Variants in NETO1 observed in about 807,000 individuals in gnomAD.
NETO1 encodes the protein neuropilin and tolloid like 1.
NETO1 carries 26 observed loss-of-function variants against 61.3 expected under a neutral mutation model. That is an observed-to-expected ratio of 0.42 (90% confidence interval 0.31 to 0.59). NETO1 has a LOEUF of 0.59. Among genes scored for constraint, NETO1 ranks in the 20% least tolerant of loss-of-function variants. The pLI is 0.12. For synonymous variants in NETO1, 225 were observed against 225.8 expected (o/e 1.00, Z 0.03); for missense variants, 531 against 662.8 (o/e 0.80, Z 2.18).
chr18:72,833,100 T>G (rs1327658674), intron 4 of NETO1, among the ~76,000 whole-genome samples: 3 of 152,196 alleles, frequency 2.0e-5, no homozygotes, highest in Non-Finnish European at 4.4e-5. Flanking sequence ...TGAATTCAAC[T>G]TAAAGACTCC....
In NETO1 at chr18:72,746,686, T is replaced by C. The variant is rs944227578; in HGVS notation, c.*1493A>G. ...TTGAATTGCAAAGTCCAAATTTTAG[T>C]AGACCAGACTGCTCTGTTAGTGGAA... On this transcript the variant is annotated 3_prime_UTR_variant, in exon 11 of 11. Coordinates refer to ENST00000327305, the MANE Select transcript of NETO1 (RefSeq NM_138966.5). Among the ~76,000 whole-genome samples, 1 of 152,052 alleles carries C rather than the reference T, an allele frequency of 6.6e-6. No homozygotes were observed. Among genetic ancestry groups the C allele is most frequent in the Non-Finnish European group, 1.5e-5 (1 of 67,956 alleles).
rs2073531336 is a variant in NETO1, at chr18:72,830,248, T to C, written c.469+28578A>G. On this transcript the variant is annotated intron_variant, in intron 4 of 10. Coordinates refer to ENST00000327305, the MANE Select transcript of NETO1 (RefSeq NM_138966.5). This position sits in a 1 kb window ranked among gnomAD's most constrained non-coding sequence, Gnocchi z 4.9. ...AGAGACGGGAACAGCAGTGCTATCT[T>C]GGTGCCGGCTTGCGAGAGTAGGCAT... Among the ~76,000 whole-genome samples the C allele has an allele frequency of 6.6e-6, 1 of 152,078 alleles. No individual in the cohort carries two copies. Among genetic ancestry groups the C allele is most frequent in the African/African-American group, 2.4e-5 (1 of 41,388 alleles).
At chr18:72,765,876 G>A (rs972776392) in intron 7 of NETO1, among the ~76,000 whole-genome samples, 1 of 152,136 alleles carries the variant, frequency 6.6e-6, no homozygotes, top group Non-Finnish European at 1.5e-5. Flanking sequence ...ATCAACTGAA[G>A]ATGCAAATTT....
intron 4 of NETO1, among the ~76,000 whole-genome samples, chr18:72,800,541 T>C (rs966904898): frequency 2.6e-5 from 4 of 152,196 alleles, no homozygotes; most frequent in African/African-American, 9.7e-5. Context: ...CCAGTGATTC[T>C]ACATTATGGT....
intron 4 of NETO1, among the ~76,000 whole-genome samples, chr18:72,842,040 T>C (rs566358430): frequency 7.6e-6 from 1 of 130,980 alleles, no homozygotes; most frequent in Non-Finnish European, 1.6e-5. Flanking sequence ...ATAAAATGTA[T>C]ACAGAAGTTT....
chr18:72,769,408 C>T (rs948254343), intron 7 of NETO1, among the ~76,000 whole-genome samples: 4 of 152,002 alleles, frequency 2.6e-5, no homozygotes, highest in African/African-American at 9.7e-5. Flanking sequence ...GTGATATCCT[C>T]GAAAACTGTA....
chr18:72,769,613 A>C (rs1169428543), intron 7 of NETO1, among the ~76,000 whole-genome samples: 1 of 152,180 alleles, frequency 6.6e-6, no homozygotes, highest in Non-Finnish European at 1.5e-5. Flanking sequence ...ACAGGCAAAA[A>C]TATCGTCACC....
intron 7 of NETO1, among the ~76,000 whole-genome samples, chr18:72,776,786 C>A (rs1430488959): frequency 1.3e-5 from 2 of 152,110 alleles, no homozygotes; most frequent in African/African-American, 4.8e-5. Context: ...GTGACATAAC[C>A]CTTCAGACTA....
rs2145386711 is a variant in NETO1 at position 72,830,810 on chromosome 18, A to G, written c.469+28016T>C. Among the ~76,000 whole-genome samples, 1 of 152,238 alleles carries G rather than the reference A, an allele frequency of 6.6e-6. No individual in the cohort carries two copies. The highest frequency in any genetic ancestry group is 3.4e-3 in the Middle Eastern group (1 of 294). ...TCCATCACAAGATTCCTTTCACAGA[A>G]AAGGTTTCCGAAAGATTATGCTACA... On this transcript the variant is annotated intron_variant, in intron 4 of 10. Transcript: ENST00000327305. This position sits in a 1 kb window ranked among gnomAD's most constrained non-coding sequence, Gnocchi z 4.9.
intron 7 of NETO1, among the ~76,000 whole-genome samples, chr18:72,769,422 A>T (rs1406071388): frequency 6.6e-6 from 1 of 152,198 alleles, no homozygotes; most frequent in Non-Finnish European, 1.5e-5. Flanking sequence ...AACTGTATTA[A>T]AACTCTACTG....
At chr18:72,867,075 A>G (rs1239055810) in intron 1 of NETO1, 189 bp downstream of exon 1, 2 of 478,022 alleles carry the variant, frequency 4.2e-6, no homozygotes, top group South Asian at 9.2e-5. Context: ...GCGACGGCTG[A>G]CCGCGCGCCG....
chr18:72,857,212 C>G (rs1190250282), intron 4 of NETO1, among the ~76,000 whole-genome samples: 1 of 152,204 alleles, frequency 6.6e-6, no homozygotes, highest in Non-Finnish European at 1.5e-5. Context: ...CTTAACCTGT[C>G]CTACTTCATG....
At chr18:72,785,173 A>C (rs1388328877) in intron 6 of NETO1, among the ~76,000 whole-genome samples, 1 of 152,172 alleles carries the variant, frequency 6.6e-6, no homozygotes, top group Non-Finnish European at 1.5e-5. Flanking sequence ...ATTCAAGCAA[A>C]CATCCATCTC....
chr18:72,808,419 T>TTGTGTGTGTGTGTGTGTGTGTGTG (rs368047239), intron 4 of NETO1, among the ~76,000 whole-genome samples: 1 of 141,834 alleles, frequency 7.1e-6, no homozygotes, highest in Non-Finnish European at 1.5e-5. Flanking sequence ...CACTGCAGAT[T>TTGTGTGTGTGTGTGTGTGTGTGTG]TGTGTGTGTG....
At chr18:72,772,225 T>C (rs1568186543) in intron 7 of NETO1, among the ~76,000 whole-genome samples, 1 of 152,206 alleles carries the variant, frequency 6.6e-6, no homozygotes. Context: ...TAAAAATCTC[T>C]GATTTCTTTC....
At chr18:72,848,800 G>A (rs1407791734) in intron 4 of NETO1, among the ~76,000 whole-genome samples, 2 of 152,132 alleles carry the variant, frequency 1.3e-5, no homozygotes. Flanking sequence ...TTGCTTGTAG[G>A]CATTTGAAAG....
chr18:72,850,292 G>T (rs1186538707), intron 4 of NETO1, among the ~76,000 whole-genome samples: 1 of 152,144 alleles, frequency 6.6e-6, no homozygotes, highest in African/African-American at 2.4e-5. Flanking sequence ...AGTGTAGGTG[G>T]CTAATATCAC....
intron 4 of NETO1, among the ~76,000 whole-genome samples, chr18:72,831,481 C>T (rs1246258196): frequency 6.6e-6 from 1 of 152,186 alleles, no homozygotes. Context: ...TTTAACATCT[C>T]TGTAATTCTG....
At position 72,756,152 on chromosome 18, in the gene NETO1, A is replaced by G; in HGVS notation, c.869-5T>C. ...ATGTGTTGCCTTCACAAGGAGCTAA[A>G]AAGAAGAAGAACAAGACAAAGGAGG... On this transcript the variant is annotated splice_region_variant and splice_polypyrimidine_tract_variant and intron_variant, in intron 7 of 10. Transcript: ENST00000327305. The G allele has an allele frequency of 6.9e-7, 1 of 1,447,164 alleles. No individual in the cohort carries two copies. Among genetic ancestry groups the G allele is most frequent in the Non-Finnish European group, 9.7e-7 (1 of 1,029,684 alleles). 89.6% of individuals were successfully genotyped at this position (1,447,164 alleles called of 1,614,324 possible).
Sources: allele counts gnomAD v4.1 joint callset (sites outside exome capture counted in the v4.1 genomes callset), GRCh38; gene constraint gnomAD v4.1.1; non-coding constraint Gnocchi (gnomAD v3.1); transcripts MANE v1.5; gene names NCBI Gene and HGNC (gene_info 2026-07-23, HGNC 2026-07-21).